The following RAPSN variants were observed in gnomAD, a reference collection of about 807,000 sequenced individuals.
RAPSN encodes the protein receptor associated protein of the synapse.
A neutral mutation model predicts 45.7 loss-of-function variants in RAPSN; 33 were observed. The ratio of observed to expected loss-of-function variants is 0.72; its 90% CI spans 0.55 to 0.97. RAPSN has a LOEUF of 0.97. Among genes scored for constraint, RAPSN ranks in the 50% least tolerant of loss-of-function variants. The pLI, the probability that RAPSN is intolerant of heterozygous loss-of-function variation, is 0.00. For missense variants in RAPSN, 519 were observed against 559.4 expected, an observed-to-expected ratio of 0.93 and a Z score of 0.73; for synonymous variants, 244 against 233.6, an observed-to-expected ratio of 1.04 and a Z score of -0.40.
chr11:47,448,905 G>A lies in RAPSN; in HGVS notation c.60C>T (p.Asn20=), dbSNP rs2076432667. The A allele has an allele frequency of 1.2e-6, 2 of 1,614,098 alleles. No homozygotes were observed. The highest frequency in any genetic ancestry group is 1.3e-5 in the African/African-American group (1 of 74,944). The stretch of plus-strand genomic sequence containing the variant: ...ACACCTGCAATGCCTTCTCTGTCTG[G>A]TTGGACTGGTACAGCTGGAGCCCCT... The part of the protein sequence containing the change: ...IEKGLQLYQS[N]QTEKALQVWT... The change falls in exon 1 of 8, where the codon AAC becomes AAT. Residue 20 remains asparagine, a synonymous_variant. Transcript: ENST00000298854.
At chr11:47,441,312 A>G in intron 5 of RAPSN, 100 bp from the exon 6 acceptor site, 4 of 1,476,652 alleles carry the variant, frequency 2.7e-6, no homozygotes, top group Middle Eastern at 1.7e-4. Flanking sequence ...GGAGGGTGAC[A>G]TGGCAGCTGC....
chr11:47,441,061 GCT>G (rs1244716489), intron 6 of RAPSN, 96 bp downstream of exon 6: 1 of 1,475,744 alleles, frequency 6.8e-7, no homozygotes, highest in East Asian at 2.3e-5. Flanking sequence ...ATCAGGAAGG[GCT>G]CATGACGTGA....
chr11:47,439,710 CG>C (rs2076347993), intron 6 of RAPSN, among the ~76,000 whole-genome samples: 1 of 76,028 alleles, frequency 1.3e-5, no homozygotes, highest in South Asian at 6.2e-4. Flanking sequence ...AAGATTATGA[CG>C]ATTTTTTTTT....
rs922025727 is a variant in RAPSN at position 47,446,031 on chromosome 11, C to T, written c.531+1781G>A. On this transcript the variant is annotated intron_variant, in intron 2 of 7. Coordinates refer to ENST00000298854, the MANE Select transcript of RAPSN (RefSeq NM_005055.5). ...GCAGCCTCAAACTCCTGGGCTCAAG[C>T]GATCCTCCCGCCTCAGCCTCCTGAG... Among the ~76,000 whole-genome samples the T allele has an allele frequency of 2.6e-5, 4 of 151,888 alleles. No homozygotes were observed. The South Asian group carries it at 8.3e-4, about 32-fold the overall frequency.
chr11:47,442,773 C>A lies in RAPSN; in HGVS notation c.573G>T (p.Glu191Asp). The change falls in exon 3 of 8, where the codon GAG (glutamate) becomes GAT (aspartate). Residue 191 changes from glutamate (E) to aspartate (D), a missense_variant. Transcript: ENST00000298854. ...AGCCTTTGCCATAGTTGTTGACAAG[C>A]TCTGCCGCCTTGCAGGGGAAGAACA... The part of the protein sequence containing the change: ...KALFFPCKAA[E>D]LVNNYGKGWS... 1 of 1,614,280 alleles carries A rather than the reference C, an allele frequency of 6.2e-7. No individual in the cohort carries two copies. The highest frequency in any genetic ancestry group is 8.5e-7 in the Non-Finnish European group (1 of 1,180,054).
intron 2 of RAPSN, among the ~76,000 whole-genome samples, chr11:47,443,226 C>G (rs986460506): frequency 6.6e-6 from 1 of 152,172 alleles, no homozygotes; most frequent in African/African-American, 2.4e-5. Flanking sequence ...CTGCTGGCAC[C>G]CGGAAGCAGG....
At chr11:47,442,594 A>AG (rs2076373680) in intron 3 of RAPSN, 62 bp downstream of exon 3, 10 of 1,572,968 alleles carry the variant, frequency 6.4e-6, no homozygotes, top group Non-Finnish European at 8.7e-6. Context: ...CTGCTGTCCC[A>AG]GGCCCCAGCC....
At chr11:47,446,228 A>C (rs1241454755) in intron 2 of RAPSN, among the ~76,000 whole-genome samples, 1 of 151,936 alleles carries the variant, frequency 6.6e-6, no homozygotes, top group Non-Finnish European at 1.5e-5. Flanking sequence ...CAAATTAAAA[A>C]AAAAAAAAAA....
rs544722226 is a variant in RAPSN, at chr11:47,438,839, G to A, written c.1059C>T (p.His353=). The A allele has an allele frequency of 5.1e-5, 80 of 1,573,950 alleles. No homozygotes were observed. The South Asian group carries it at 6.7e-4, about 13-fold the overall frequency. The change falls in exon 7 of 8, where the codon CAC becomes CAT. Residue 353 remains histidine, a synonymous_variant. Transcript: ENST00000298854. ...RELRAHVVRF[H]ECVEETELYC... is the part of the protein sequence containing the mutation. ...AGAGCTCCGTCTCCTCCACGCACTC[G>A]TGGAACCTCACAACGTGCGCCCGCA...
Position 47,441,938 on chromosome 11 carries a change from T to A in RAPSN, c.691-17A>T. On this transcript the variant is annotated splice_polypyrimidine_tract_variant and intron_variant, in intron 3 of 7. Transcript: ENST00000298854. ...CATAGACTCCTGCGAGGGAGGCCAG[T>A]GGCTCAGGCCTACTCCTCTGCCACC... is the stretch of plus-strand genomic sequence containing the variant. The A allele has an allele frequency of 1.3e-6, 2 of 1,554,562 alleles. No homozygotes were observed. Among genetic ancestry groups the A allele is most frequent in the Non-Finnish European group, 8.7e-7 (1 of 1,154,312 alleles).
Position 47,441,813 on chromosome 11 carries a change from G to C in RAPSN, c.789+10C>G, listed in dbSNP as rs2076366986. 1.9e-6 allele frequency: 3 copies of C among 1,544,472 alleles called. No individual in the cohort carries two copies. The East Asian group carries it at 7.1e-5, about 37-fold the overall frequency. ...CCCTGCCCCCAGCCCCTGCATCCCGGTGACCTCACCTCCAGGTCCCCACGG... is the reference window on the plus strand; with the variant it reads ...CCCTGCCCCCAGCCCCTGCATCCCGCTGACCTCACCTCCAGGTCCCCACGG... On this transcript the variant is annotated intron_variant, in intron 4 of 7. Coordinates refer to ENST00000298854, the MANE Select transcript of RAPSN (RefSeq NM_005055.5).
At chr11:47,440,220 G>GTCTCTCAT (rs1447436267) in intron 6 of RAPSN, among the ~76,000 whole-genome samples, 1 of 152,152 alleles carries the variant, frequency 6.6e-6, no homozygotes, top group African/African-American at 2.4e-5. Context: ...GTGAGGACTG[G>GTCTCTCAT]ACCCAGTACC....
Position 47,448,525 on chromosome 11 carries a change from G to A in RAPSN, c.192+248C>T, listed in dbSNP as rs1293906186. ...ATGGGCTTGAGACCCACAAACCCTC[G>A]ACCCTGAGGCTGGAGAACCTCAGTC... On this transcript the variant is annotated intron_variant, in intron 1 of 7. Transcript: ENST00000298854. Among the ~76,000 whole-genome samples, 4 of 148,494 alleles carry A rather than the reference G, an allele frequency of 2.7e-5. No homozygotes were observed. The East Asian group carries it at 6.0e-4, about 22-fold the overall frequency.
intron 7 of RAPSN, chr11:47,438,436 C>G (rs915679511): frequency 1.8e-5 from 10 of 569,928 alleles, no homozygotes; most frequent in Non-Finnish European, 2.8e-5. Flanking sequence ...GATTCTCCTG[C>G]CTCAGCCTCC....
chr11:47,445,951 C>T (rs2076402510), intron 2 of RAPSN, among the ~76,000 whole-genome samples: 1 of 151,232 alleles, frequency 6.6e-6, no homozygotes, highest in Non-Finnish European at 1.5e-5. Context: ...TTCTCTCACA[C>T]AGGGTCTTGC....
Position 47,441,836 on chromosome 11 carries a change from C to A in RAPSN, c.776G>T (p.Arg259Leu). 2 of 1,584,224 alleles carry A rather than the reference C, an allele frequency of 1.3e-6. No homozygotes were observed. The highest frequency in any genetic ancestry group is 2.3e-5 in the East Asian group (1 of 44,102). Reference sequence around the variant, plus strand: ...CGGTGACCTCACCTCCAGGTCCCCACGGCTCCGGTGGATGTCAGCGAAGCA... The same window carrying A: ...CGGTGACCTCACCTCCAGGTCCCCAAGGCTCCGGTGGATGTCAGCGAAGCA... Reference protein sequence around the residue: ...LLCFADIHRSRGDLETAFPRY... With the variant: ...LLCFADIHRSLGDLETAFPRY... The change falls in exon 4 of 8, where the codon CGT (arginine) becomes CTT (leucine). Residue 259 changes from arginine to leucine, a missense_variant. Coordinates refer to ENST00000298854, the MANE Select transcript of RAPSN (RefSeq NM_005055.5).
intron 2 of RAPSN, among the ~76,000 whole-genome samples, chr11:47,446,842 T>A (rs559034475): frequency 5.3e-4 from 80 of 152,028 alleles, no homozygotes; most frequent in Non-Finnish European, 1.0e-3. Context: ...GAGGCGGAGG[T>A]TGCAGTGAGC....
intron 2 of RAPSN, among the ~76,000 whole-genome samples, chr11:47,443,824 A>G (rs1370785136): frequency 6.7e-6 from 1 of 150,226 alleles, no homozygotes; most frequent in East Asian, 2.0e-4. Context: ...AAGCTACTCA[A>G]GAGGCTGAGG....
chr11:47,447,984 T>C lies in RAPSN; in HGVS notation c.359A>G (p.Gln120Arg), dbSNP rs1477897962. The change falls in exon 2 of 8, where the codon CAG becomes CGG. Residue 120 changes from glutamine (Q) to arginine (R), a missense_variant. Gln to Arg is a conservative substitution (Grantham distance 43, BLOSUM62 1). Coordinates refer to ENST00000298854, the MANE Select transcript of RAPSN (RefSeq NM_005055.5). Reference sequence around the variant, plus strand: ...GCTCAGGCTGACCTGGCCTCCGAGCTGGGCACCTGCCCTGGTACCAGGCAG... The same window carrying C: ...GCTCAGGCTGACCTGGCCTCCGAGCCGGGCACCTGCCCTGGTACCAGGCAG... ...LGLPGTRAGA[Q>R]LGGQVSLSMG... 16 of 1,613,990 alleles carry C rather than the reference T, an allele frequency of 9.9e-6. No homozygotes were observed. Among genetic ancestry groups the C allele is most frequent in the Non-Finnish European group, 1.4e-5 (16 of 1,180,004 alleles).
Sources: gnomAD v4.1 joint callset for allele counts (sites outside exome capture counted in the v4.1 genomes callset) on GRCh38, gnomAD v4.1.1 for gene constraint, MANE v1.5 for transcripts, NCBI Gene and HGNC (gene_info 2026-07-23, HGNC 2026-07-21) for gene names.